BPIFB1: variants seen among roughly 807,000 people sequenced by gnomAD.
BPIFB1 encodes BPI fold-containing family B member 1.
BPIFB1 carries 34 observed loss-of-function variants against 55.1 expected under a neutral mutation model. The ratio of observed to expected loss-of-function variants is 0.62; its 90% CI spans 0.47 to 0.82. BPIFB1 has a LOEUF of 0.82. Among genes scored for constraint, BPIFB1 ranks in the 40% least tolerant of loss-of-function variants. The probability of loss-of-function intolerance (pLI) is 0.00; values close to 1 mark genes in which losing one functional copy is unlikely to be tolerated. For missense variants in BPIFB1, 532 were observed against 593.1 expected, an observed-to-expected ratio of 0.90 and a Z score of 1.07; for synonymous variants, 236 against 245.3, an observed-to-expected ratio of 0.96 and a Z score of 0.35.
At chr20:33,288,974 A>G (rs1980362933) in intron 3 of BPIFB1, 92 bp downstream of exon 3, 2 of 1,408,858 alleles carry the variant, frequency 1.4e-6, no homozygotes, top group Non-Finnish European at 1.9e-6. Context: ...GTCTGCAAGC[A>G]TCGACTTGTG....
intron 15 of BPIFB1, 131 bp downstream of exon 15, chr20:33,307,118 G>C: frequency 1.4e-6 from 1 of 735,844 alleles, no homozygotes; most frequent in Non-Finnish European, 2.4e-6. Flanking sequence ...CCCCTCTCAG[G>C]GCCTCACCTC....
chr20:33,290,609 G>A (rs896028750), intron 4 of BPIFB1, among the ~76,000 whole-genome samples: 14 of 152,190 alleles, frequency 9.2e-5, no homozygotes. Flanking sequence ...TGCACCACTG[G>A]CAGGATGGAG....
In BPIFB1 at chr20:33,291,257, A is replaced by G. The variant is rs187058471; in HGVS notation, c.515+151A>G. 8.1e-6 allele frequency: 9 copies of G among 1,109,532 alleles called. No homozygotes were observed. The African/African-American group carries it at 1.1e-4, about 14-fold the overall frequency. The allele number at this position is 1,109,532 out of a possible 1,614,324, so 68.7% of individuals were successfully genotyped here. A position where few individuals can be genotyped will look rare whatever the true frequency, so the allele number is the denominator to read the frequency against. On this transcript the variant is annotated intron_variant, in intron 5 of 15. Coordinates refer to ENST00000253354, the MANE Select transcript of BPIFB1 (RefSeq NM_033197.3). ...TGATTCCTGATCTGGGGCTCCTTCC[A>G]GGGAATCTGTGATGCCAAGGGAAGT... is the stretch of plus-strand genomic sequence containing the variant.
chr20:33,304,136 G>GGGTA, intron 12 of BPIFB1, 111 bp downstream of exon 12: 1 of 914,952 alleles, frequency 1.1e-6, no homozygotes, highest in Non-Finnish European at 1.7e-6. Flanking sequence ...GGCGGCTCCA[G>GGGTA]GGTAGGCAGG....
At chr20:33,301,021 C>T (rs1486299376) in intron 8 of BPIFB1, among the ~76,000 whole-genome samples, 2 of 152,032 alleles carry the variant, frequency 1.3e-5, no homozygotes, top group Non-Finnish European at 2.9e-5. Flanking sequence ...GGAAAAAAAA[C>T]GAAGATATCT....
intron 8 of BPIFB1, 52 bp from the exon 9 acceptor site, chr20:33,301,181 G>A: frequency 6.4e-7 from 1 of 1,553,630 alleles, no homozygotes; most frequent in South Asian, 1.2e-5. Flanking sequence ...GTTGCTATTG[G>A]GTAAGCTGCA....
chr20:33,295,675 A>G (rs1980621054), intron 6 of BPIFB1, among the ~76,000 whole-genome samples: 1 of 151,080 alleles, frequency 6.6e-6, no homozygotes, highest in African/African-American at 2.4e-5. Flanking sequence ...AAAGAAAGAA[A>G]GAAAGAGAGA....
chr20:33,293,081 A>G (rs1427293147), intron 6 of BPIFB1, among the ~76,000 whole-genome samples: 1 of 152,146 alleles, frequency 6.6e-6, no homozygotes, highest in Non-Finnish European at 1.5e-5. Context: ...ACCACCAGGC[A>G]TGGCTAGTTT....
At chr20:33,293,369 C>T (rs757215099) in intron 6 of BPIFB1, among the ~76,000 whole-genome samples, 14 of 152,188 alleles carry the variant, frequency 9.2e-5, no homozygotes, top group Non-Finnish European at 2.1e-4. Context: ...TTTTAAGAGG[C>T]TGCTCTTGGT....
intron 5 of BPIFB1, 88 bp downstream of exon 5, chr20:33,291,194 C>G: frequency 6.7e-7 from 1 of 1,494,372 alleles, no homozygotes. Context: ...AAATGGAGAA[C>G]GCTGAGGCCT....
Position 33,306,059 on chromosome 20 carries a change from C to A in BPIFB1, c.1312C>A (p.Gln438Lys). 1 of 1,614,106 alleles carries A rather than the reference C, an allele frequency of 6.2e-7. No individual in the cohort carries two copies. The highest frequency in any genetic ancestry group is 8.5e-7 in the Non-Finnish European group (1 of 1,179,988). ...EIIHSILLPN[Q>K]NGKLRSGVPV... The stretch of plus-strand genomic sequence containing the variant: ...CATCCACTCCATCCTGCTGCCGAAC[C>A]AGAATGGTGCATACCTCTGCCATCT... Residue 438 changes from glutamine (Q) to lysine (K), a missense_variant, in exon 14 of 16, where the codon CAG (glutamine) becomes AAG (lysine). Transcript: ENST00000253354.
At position 33,303,352 on chromosome 20, in the gene BPIFB1, G is replaced by A. The variant is rs112971758; in HGVS notation, c.1140+278G>A. On this transcript the variant is annotated intron_variant, in intron 11 of 15. Transcript: ENST00000253354. The stretch of plus-strand genomic sequence containing the variant: ...AAAAAGTCTAGATGCTATTGACTTC[G>A]GGAATAGCTGGACCCAGGTGCTCAA... 6.7e-3 allele frequency among the ~76,000 whole-genome samples: 1,016 copies of A among 152,186 alleles called. 7 individuals carry two copies. Among genetic ancestry groups the A allele is most frequent in the South Asian group, 0.032 (156 of 4,824 alleles).
intron 6 of BPIFB1, among the ~76,000 whole-genome samples, chr20:33,295,355 C>T (rs1417775404): frequency 6.6e-6 from 1 of 151,654 alleles, no homozygotes; most frequent in Non-Finnish European, 1.5e-5. Flanking sequence ...CCTATAATCC[C>T]AGCACTTTGG....
Position 33,306,033 on chromosome 20 carries a change from T to A in BPIFB1, c.1286T>A (p.Ile429Asn), listed in dbSNP as rs1326424962. Residue 429 changes from isoleucine (I) to asparagine (N), a missense_variant, in exon 14 of 16, where the codon ATC becomes AAC. By Grantham distance (149) the Ile-to-Asn change is moderately radical (BLOSUM62 -3). Transcript: ENST00000253354. ...GTTCTGAAAAACATCATCACTGAGA[T>A]CATCCACTCCATCCTGCTGCCGAAC... ...PDVLKNIITEIIHSILLPNQN... is the reference protein window; with the variant it reads ...PDVLKNIITENIHSILLPNQN... 6.2e-7 allele frequency: 1 copy of A among 1,614,018 alleles called. No homozygotes were observed. The highest frequency in any genetic ancestry group is 8.5e-7 in the Non-Finnish European group (1 of 1,180,034).
chr20:33,307,126 C>G, intron 15 of BPIFB1, 139 bp downstream of exon 15: 1 of 690,458 alleles, frequency 1.4e-6, no homozygotes, highest in Non-Finnish European at 2.5e-6. Context: ...AGGGCCTCAC[C>G]TCCTCATCTG....
intron 1 of BPIFB1, among the ~76,000 whole-genome samples, chr20:33,284,230 C>G (rs924671514): frequency 6.6e-6 from 1 of 152,200 alleles, no homozygotes; most frequent in Non-Finnish European, 1.5e-5. Flanking sequence ...GGGTAAGTCA[C>G]TTGTCAAAGA....
In BPIFB1 at chr20:33,309,724, C is replaced by T. The variant is rs749587858; in HGVS notation, c.1412C>T (p.Thr471Ile). 2 of 1,614,162 alleles carry T rather than the reference C, an allele frequency of 1.2e-6. No homozygotes were observed. Among genetic ancestry groups the T allele is most frequent in the South Asian group, 1.1e-5 (1 of 91,084 alleles). Residue 471 changes from threonine (T) to isoleucine (I), a missense_variant, in exon 16 of 16, where the codon ACT (threonine) becomes ATT (isoleucine). Thr to Ile is a moderately conservative substitution (Grantham distance 89). Transcript: ENST00000253354. The surrounding 1 kb of genome is among the most constrained non-coding windows in gnomAD (Gnocchi z 4.4). ...CAATTCCAGGATGCCCTTGTGCTTA[C>T]TCCAGCCTCCTTGTGGAAACCCAGC... is the stretch of plus-strand genomic sequence containing the variant. ...SSLTKDALVL[T>I]PASLWKPSSP...
intron 11 of BPIFB1, 34 bp from the exon 12 acceptor site, chr20:33,303,924 G>A: frequency 6.2e-7 from 1 of 1,611,754 alleles, no homozygotes; most frequent in Non-Finnish European, 8.5e-7. Flanking sequence ...GGATCCTCTT[G>A]AGAACAATGG....
At chr20:33,294,339 T>G (rs1980565528) in intron 6 of BPIFB1, among the ~76,000 whole-genome samples, 1 of 152,164 alleles carries the variant, frequency 6.6e-6, no homozygotes, top group Non-Finnish European at 1.5e-5. Context: ...ATATAATGAA[T>G]TAATGAATTG....
Sources: allele counts gnomAD v4.1 joint callset (sites outside exome capture counted in the v4.1 genomes callset), GRCh38; gene constraint gnomAD v4.1.1; non-coding constraint Gnocchi (gnomAD v3.1); transcripts MANE v1.5; gene names NCBI Gene and HGNC (gene_info 2026-07-23, HGNC 2026-07-21).